Variants in SLIT3 observed in about 807,000 individuals in gnomAD.
SLIT3 encodes slit guidance ligand 3, also known as slit homolog 3 protein.
In SLIT3, 68 loss-of-function variants were observed where a neutral mutation model predicts 184.0. The observed-to-expected ratio is 0.37, with a 90% CI of 0.30 to 0.45. The LOEUF (loss-of-function observed/expected upper bound fraction) is 0.45, where lower values mean the gene tolerates loss of function less well. SLIT3 is among the 20% of genes least tolerant of loss of function. The probability of loss-of-function intolerance (pLI) is 1.00; values close to 1 mark genes in which losing one functional copy is unlikely to be tolerated. For synonymous variants in SLIT3, 831 were observed against 828.6 expected (o/e 1.00, Z -0.05); for missense variants, 1,707 against 2,026.0 (o/e 0.84, Z 3.02).
intron 4 of SLIT3, among the ~76,000 whole-genome samples, chr5:168,920,073 T>G (rs1275111507): frequency 6.6e-6 from 1 of 152,186 alleles, no homozygotes; most frequent in East Asian, 1.9e-4. Context: ...CTAGAAGGGA[T>G]CTCTAGCACC....
At chr5:169,202,552 C>G (rs561042429) in intron 3 of SLIT3, among the ~76,000 whole-genome samples, 1 of 152,292 alleles carries the variant, frequency 6.6e-6, no homozygotes, top group East Asian at 1.9e-4. Context: ...TTCTGCTTCT[C>G]TAACTTTTTG....
intron 1 of SLIT3, among the ~76,000 whole-genome samples, chr5:169,260,957 A>C (rs1388199293): frequency 6.6e-6 from 1 of 152,240 alleles, no homozygotes; most frequent in African/African-American, 2.4e-5. Flanking sequence ...GGGTTCTGCC[A>C]GTCATGTTTT....
rs374390296 is a variant in SLIT3, at chr5:168,762,725, C to T, written c.1460-36G>A. ...CCAAAGAGGGGACGTCAGCGTCACC[C>T]GAGTTCCACGCACAGCCCCAGGTTG... On this transcript the variant is annotated intron_variant, in intron 14 of 35. Coordinates refer to ENST00000519560, the MANE Select transcript of SLIT3 (RefSeq NM_003062.4). 1.1e-5 allele frequency: 18 copies of T among 1,603,846 alleles called. No individual in the cohort carries two copies. In the East Asian group the frequency reaches 1.3e-4, roughly 12 times the overall value.
chr5:168,832,802 T>C (rs1460004031), intron 6 of SLIT3, among the ~76,000 whole-genome samples: 2 of 152,172 alleles, frequency 1.3e-5, no homozygotes, highest in East Asian at 1.9e-4. Context: ...TTTTTTAATA[T>C]TGGCAGCTAA....
At chr5:168,800,439 T>G (rs953249371) in intron 9 of SLIT3, among the ~76,000 whole-genome samples, 1 of 152,016 alleles carries the variant, frequency 6.6e-6, no homozygotes, top group Admixed American at 6.6e-5. Context: ...ACAAAAAAAT[T>G]AGCTGGGCAT....
intron 4 of SLIT3, among the ~76,000 whole-genome samples, chr5:169,149,340 C>CT (rs3038064): frequency 0.064 from 8,809 of 137,764 alleles, 857 homozygotes; most frequent in African/African-American, 0.21. Context: ...ACAACATGGG[C>CT]TTTTTTTTTT....
At chr5:169,207,565 A>G (rs1484411417) in intron 3 of SLIT3, among the ~76,000 whole-genome samples, 2 of 152,220 alleles carry the variant, frequency 1.3e-5, no homozygotes, top group Non-Finnish European at 2.9e-5. Context: ...TGTGCCTTCA[A>G]TAACCAAAAT....
intron 1 of SLIT3, among the ~76,000 whole-genome samples, chr5:169,296,962 G>A (rs1176128379): frequency 2.6e-5 from 4 of 152,170 alleles, no homozygotes; most frequent in Non-Finnish European, 5.9e-5. Context: ...AAGTGGCCCC[G>A]TGTGAGAGTT....
intron 4 of SLIT3, among the ~76,000 whole-genome samples, chr5:169,014,869 T>C (rs1685683719): frequency 6.6e-6 from 1 of 152,158 alleles, no homozygotes; most frequent in Non-Finnish European, 1.5e-5. Flanking sequence ...GAGAATTACT[T>C]GAACTCGGGA....
chr5:168,937,786 T>C (rs1762206257), intron 4 of SLIT3, among the ~76,000 whole-genome samples: 1 of 152,164 alleles, frequency 6.6e-6, no homozygotes, highest in South Asian at 2.1e-4. Flanking sequence ...AGCTATCCTG[T>C]ATATTTTTAA....
At chr5:169,242,969 A>G (rs1421606340) in intron 3 of SLIT3, among the ~76,000 whole-genome samples, 1 of 152,078 alleles carries the variant, frequency 6.6e-6, no homozygotes, top group East Asian at 1.9e-4. Context: ...TCTGCTGCAC[A>G]TGAGTATGAA....
intron 4 of SLIT3, among the ~76,000 whole-genome samples, chr5:169,075,825 G>A (rs1758717125): frequency 6.6e-6 from 1 of 152,176 alleles, no homozygotes; most frequent in African/African-American, 2.4e-5. Context: ...TGCTAGTAAA[G>A]GCAGACCTTC....
chr5:168,813,184 G>T (rs190927242), intron 8 of SLIT3, among the ~76,000 whole-genome samples: 1 of 152,188 alleles, frequency 6.6e-6, no homozygotes, highest in East Asian at 1.9e-4. Flanking sequence ...GATTTAGGAG[G>T]TCAACTAATA....
At chr5:169,049,411 T>A (rs188599751) in intron 4 of SLIT3, among the ~76,000 whole-genome samples, 1 of 152,184 alleles carries the variant, frequency 6.6e-6, no homozygotes, top group African/African-American at 2.4e-5. Flanking sequence ...TGGAATTCGA[T>A]GTTGCTTTGC....
chr5:169,251,368 G>A lies in SLIT3; in HGVS notation c.269+20C>T, dbSNP rs1025473760. The A allele has an allele frequency of 1.3e-6, 2 of 1,575,472 alleles. No homozygotes were observed. Among genetic ancestry groups the A allele is most frequent in the Admixed American group, 1.7e-5 (1 of 59,956 alleles). ...AAGAGCTAAAAATGAAAACACACTT[G>A]AGAGCCATCAACTACTTACAAGACT... is the stretch of plus-strand genomic sequence containing the variant. On this transcript the variant is annotated intron_variant, in intron 2 of 35. Transcript: ENST00000519560.
At chr5:168,854,230 G>A (rs576581004) in intron 5 of SLIT3, among the ~76,000 whole-genome samples, 2 of 152,160 alleles carry the variant, frequency 1.3e-5, no homozygotes, top group South Asian at 2.1e-4. Context: ...TGTAACTCAA[G>A]TTATTGTAGC....
At chr5:169,245,490 T>C (rs767496247) in intron 2 of SLIT3, among the ~76,000 whole-genome samples, 16 of 152,058 alleles carry the variant, frequency 1.1e-4, no homozygotes, top group South Asian at 2.1e-4. Flanking sequence ...GCCGCTTAAA[T>C]GGATGAGCTG....
intron 4 of SLIT3, among the ~76,000 whole-genome samples, chr5:168,973,780 A>T (rs1401054369): frequency 1.3e-5 from 2 of 152,216 alleles, no homozygotes; most frequent in East Asian, 3.8e-4. Flanking sequence ...ATCAGGACTC[A>T]CACCATGCCT....
At chr5:169,202,221 G>A (rs1187453423) in intron 3 of SLIT3, among the ~76,000 whole-genome samples, 3 of 151,750 alleles carry the variant, frequency 2.0e-5, no homozygotes, top group Non-Finnish European at 4.4e-5. Context: ...AACAGAACAA[G>A]AGCCTATTTC....
Sources: allele counts gnomAD v4.1 joint callset (sites outside exome capture counted in the v4.1 genomes callset), GRCh38; gene constraint gnomAD v4.1.1; transcripts MANE v1.5; gene names NCBI Gene and HGNC (gene_info 2026-07-23, HGNC 2026-07-21).